Variants in BRDT observed in about 807,000 individuals in gnomAD.
The protein encoded by BRDT is bromodomain testis-specific protein.
In BRDT, 77 loss-of-function variants were observed where a neutral mutation model predicts 113.9. The observed-to-expected ratio is 0.68, with a 90% CI of 0.56 to 0.82. The LOEUF (loss-of-function observed/expected upper bound fraction) is 0.82, where lower values mean the gene tolerates loss of function less well. Ranked by LOEUF, BRDT falls within the 40% of genes least tolerant of loss-of-function variation. The pLI is 0.00. For missense variants in BRDT, 1,027 were observed against 1,105.4 expected (o/e 0.93, Z 1.01); for synonymous variants, 358 against 366.5 (o/e 0.98, Z 0.26).
At chr1:92,013,678 C>A (rs1157064490) in intron 18 of BRDT, among the ~76,000 whole-genome samples, 2 of 152,174 alleles carry the variant, frequency 1.3e-5, no homozygotes, top group African/African-American at 2.4e-5. Context: ...CTGAATGTTA[C>A]ATGTAATCTG....
chr1:91,958,330 C>T (rs965759099), intron 1 of BRDT, among the ~76,000 whole-genome samples: 1 of 150,966 alleles, frequency 6.6e-6, no homozygotes, highest in Non-Finnish European at 1.5e-5. Flanking sequence ...ATTCTCATGC[C>T]TCGGCCTCCT....
intron 13 of BRDT, among the ~76,000 whole-genome samples, chr1:91,991,759 G>A (rs963787729): frequency 1.9e-4 from 29 of 152,148 alleles, no homozygotes; most frequent in African/African-American, 6.8e-4. Context: ...TTGGGAGGCC[G>A]AGGCGGGCAG....
chr1:92,004,425 T>G lies in BRDT; in HGVS notation c.2400T>G (p.Ile800Met). ...CQAPVQKDIK[I>M]KNADSWKSLG... ...AATATTTGTTTTAGGATATAAAGAT[T>G]AAGAATGCAGATTCATGGAAAAGTT... The change falls in exon 17 of 19, where the codon ATT (isoleucine) becomes ATG (methionine). Residue 800 changes from isoleucine to methionine, a missense_variant. Transcript: ENST00000399546. The G allele has an allele frequency of 6.2e-7, 1 of 1,603,326 alleles. No individual in the cohort carries two copies. The highest frequency in any genetic ancestry group is 8.5e-7 in the Non-Finnish European group (1 of 1,177,264).
In BRDT at chr1:91,992,159, A is replaced by G. The variant is rs916514088; in HGVS notation, c.2065-105A>G. On this transcript the variant is annotated intron_variant, in intron 13 of 18. Transcript: ENST00000399546. ...CTAACTAGGTTAGGGAAACACAATA[A>G]TAAATAATACTGTCTTAAAAGAGCT... 12 of 569,264 alleles carry G rather than the reference A, an allele frequency of 2.1e-5. No individual in the cohort carries two copies. In the East Asian group the frequency reaches 3.5e-4, roughly 17 times the overall value. The allele number at this position is 569,264 out of a possible 1,614,324, so 35.3% of individuals were successfully genotyped here.
At chr1:91,991,269 C>A in intron 13 of BRDT, 24 bp downstream of exon 13, 1 of 1,405,606 alleles carries the variant, frequency 7.1e-7, no homozygotes, top group Middle Eastern at 1.9e-4. Context: ...TTATTTGTAT[C>A]TGAATTTTAA....
chr1:91,991,131 T>G, intron 12 of BRDT, 53 bp from the exon 13 acceptor site: 2 of 1,165,074 alleles, frequency 1.7e-6, no homozygotes, highest in Non-Finnish European at 2.4e-6. Flanking sequence ...AATTATAACT[T>G]GGTATTTTTT....
At chr1:92,011,444 T>C (rs1324717303) in intron 18 of BRDT, among the ~76,000 whole-genome samples, 1 of 152,214 alleles carries the variant, frequency 6.6e-6, no homozygotes, top group Admixed American at 6.5e-5. Context: ...TAGGAACTCA[T>C]TGTTAAATTT....
At chr1:92,001,171 G>A (rs1475088809) in intron 15 of BRDT, among the ~76,000 whole-genome samples, 6 of 152,164 alleles carry the variant, frequency 3.9e-5, no homozygotes. Flanking sequence ...CTGATGGTGA[G>A]ATAGAATTAC....
At chr1:91,954,975 A>G (rs1189155654) in intron 1 of BRDT, among the ~76,000 whole-genome samples, 1 of 152,124 alleles carries the variant, frequency 6.6e-6, no homozygotes, top group East Asian at 1.9e-4. Flanking sequence ...AAACAAAAAA[A>G]CAGTGGACTT....
Position 91,980,987 on chromosome 1 carries a change from T to G in BRDT, c.1559T>G (p.Leu520Arg). The G allele has an allele frequency of 6.2e-7, 1 of 1,614,072 alleles. No homozygotes were observed. The highest frequency in any genetic ancestry group is 8.5e-7 in the Non-Finnish European group (1 of 1,179,992). ...MNYDEKRQLS[L>R]NINKLPGDKL... The stretch of plus-strand genomic sequence containing the variant: ...TATGATGAGAAAAGGCAGTTAAGTC[T>G]GAATATAAACAAACTCCCTGGAGAT... Residue 520 changes from leucine to arginine, a missense_variant, in exon 10 of 19, where the codon CTG (leucine) becomes CGG (arginine). Transcript: ENST00000399546.
intron 12 of BRDT, among the ~76,000 whole-genome samples, chr1:91,989,470 C>T (rs1413518618): frequency 2.6e-5 from 4 of 152,118 alleles, no homozygotes; most frequent in Admixed American, 2.0e-4. Context: ...AAGCTATTCT[C>T]CCGCCTCAGC....
chr1:91,964,357 G>T (rs775843076), intron 2 of BRDT, among the ~76,000 whole-genome samples: 1 of 151,962 alleles, frequency 6.6e-6, no homozygotes, highest in African/African-American at 2.4e-5. Flanking sequence ...CACCATGCCC[G>T]GCCAATTTTC....
intron 1 of BRDT, among the ~76,000 whole-genome samples, chr1:91,953,950 TCTC>T (rs1162394375): frequency 4.6e-5 from 7 of 152,088 alleles, no homozygotes; most frequent in Admixed American, 3.3e-4. Context: ...AGCATTTTCT[TCTC>T]CTACCTGTTT....
At chr1:91,978,378 A>T in intron 7 of BRDT, 82 bp downstream of exon 7, 1 of 1,507,028 alleles carries the variant, frequency 6.6e-7, no homozygotes, top group Non-Finnish European at 9.0e-7. Context: ...GTAAGAGATA[A>T]AGAATAATAA....
chr1:91,960,601 G>A lies in BRDT; in HGVS notation c.-37-2117G>A, dbSNP rs532010875. Among the ~76,000 whole-genome samples the A allele has an allele frequency of 2.0e-5, 3 of 152,256 alleles. No individual in the cohort carries two copies. In the South Asian group the frequency reaches 6.2e-4, roughly 32 times the overall value. ...AGTTTCTGTTTTGCAAGATGGAAAA[G>A]TTCTAGAGATTGGTTTCACAAAAAA... On this transcript the variant is annotated intron_variant, in intron 1 of 18. Transcript: ENST00000399546.
In BRDT at chr1:91,953,240, T is replaced by TG. The variant is rs529498549; in HGVS notation, c.-38+3558_-38+3559insG. ...GATGGTGTAGGATTTGGAATTAGTG[T>TG]ATAAGCTCATCAAGGGCCAGGTTAC... On this transcript the variant is annotated intron_variant, in intron 1 of 18. Coordinates refer to ENST00000399546, the MANE Select transcript of BRDT (RefSeq NM_207189.4). 8.5e-5 allele frequency among the ~76,000 whole-genome samples: 13 copies of TG among 152,294 alleles called. No individual in the cohort carries two copies. In the South Asian group the frequency reaches 2.3e-3, roughly 27 times the overall value.
chr1:91,956,312 C>A (rs1302496079), intron 1 of BRDT, among the ~76,000 whole-genome samples: 2 of 151,610 alleles, frequency 1.3e-5, no homozygotes, highest in African/African-American at 4.9e-5. Flanking sequence ...TTCCTGCCCC[C>A]CCCCACCCCC....
intron 15 of BRDT, among the ~76,000 whole-genome samples, chr1:91,998,269 C>T (rs1039371721): frequency 5.9e-5 from 9 of 152,036 alleles, no homozygotes. Context: ...GAAAACCAAA[C>T]ACTGCATGTT....
chr1:92,007,119 C>G (rs1687382648), intron 18 of BRDT, among the ~76,000 whole-genome samples: 1 of 152,184 alleles, frequency 6.6e-6, no homozygotes, highest in South Asian at 2.1e-4. Context: ...TAGTTACATT[C>G]AGTATAATCA....
Sources: allele counts gnomAD v4.1 joint callset (sites outside exome capture counted in the v4.1 genomes callset), GRCh38; gene constraint gnomAD v4.1.1; transcripts MANE v1.5; gene names NCBI Gene and HGNC (gene_info 2026-07-23, HGNC 2026-07-21).